GALNT18: variants seen among roughly 807,000 people sequenced by gnomAD.
GALNT18 encodes polypeptide N-acetylgalactosaminyltransferase 18.
A neutral mutation model predicts 69.5 loss-of-function variants in GALNT18; 44 were observed. That is an observed-to-expected ratio of 0.63 (90% CI 0.50 to 0.81). The LOEUF (loss-of-function observed/expected upper bound fraction) is 0.81. Among genes scored for constraint, GALNT18 ranks in the 40% least tolerant of loss-of-function variants. The pLI is 0.00. For synonymous variants in GALNT18, 364 were observed against 318.2 expected (o/e 1.14, Z -1.53); for missense variants, 715 against 810.0 (o/e 0.88, Z 1.42).
At chr11:11,408,348 G>C (rs1170787470) in intron 3 of GALNT18, among the ~76,000 whole-genome samples, 1 of 118,978 alleles carries the variant, frequency 8.4e-6, no homozygotes, top group South Asian at 2.9e-4. Flanking sequence ...CTGAGTGACA[G>C]AGCAAGACTT....
rs567994800 is a variant in GALNT18 at position 11,593,734 on chromosome 11, G to T, written c.235+27625C>A. ...GCTTGAGGCCAGGAGTTTGAGACCA[G>T]CCTGGGTAACACAGCAAGACCCCAT... is the stretch of plus-strand genomic sequence containing the variant. On this transcript the variant is annotated intron_variant, in intron 1 of 10. Transcript: ENST00000227756. Among the ~76,000 whole-genome samples the T allele has an allele frequency of 7.4e-4, 113 of 152,280 alleles. No homozygotes were observed. The Middle Eastern group carries it at 0.01, about 14-fold the overall frequency.
At chr11:11,407,654 G>T (rs1215628849) in intron 3 of GALNT18, among the ~76,000 whole-genome samples, 4 of 152,224 alleles carry the variant, frequency 2.6e-5, no homozygotes, top group Non-Finnish European at 4.4e-5. Context: ...TGTTATCCCA[G>T]ACAGTCAGGA....
intron 1 of GALNT18, among the ~76,000 whole-genome samples, chr11:11,522,475 A>T (rs1857421908): frequency 6.6e-6 from 1 of 152,134 alleles, no homozygotes; most frequent in African/African-American, 2.4e-5. Context: ...CCTGCCACAT[A>T]GCACAGACAA....
At chr11:11,581,626 G>A (rs1299247328) in intron 1 of GALNT18, among the ~76,000 whole-genome samples, 2 of 151,836 alleles carry the variant, frequency 1.3e-5, no homozygotes, top group Admixed American at 6.6e-5. Flanking sequence ...GGTGCAGCTT[G>A]TTATTAATTC....
At chr11:11,392,576 G>A (rs537888410) in intron 3 of GALNT18, among the ~76,000 whole-genome samples, 44 of 152,256 alleles carry the variant, frequency 2.9e-4, no homozygotes, top group African/African-American at 9.6e-4. Context: ...CAGAGATCGC[G>A]CCATCACACT....
chr11:11,451,560 G>A (rs1855800784), intron 1 of GALNT18, among the ~76,000 whole-genome samples: 1 of 152,284 alleles, frequency 6.6e-6, no homozygotes, highest in Non-Finnish European at 1.5e-5. Context: ...CAGCAGGAAA[G>A]GTGTAATATT....
At chr11:11,550,443 G>A (rs965971687) in intron 1 of GALNT18, among the ~76,000 whole-genome samples, 5 of 152,220 alleles carry the variant, frequency 3.3e-5, no homozygotes, top group African/African-American at 1.2e-4. Flanking sequence ...GCCATGTGAG[G>A]CCCAGAACTG....
intron 1 of GALNT18, among the ~76,000 whole-genome samples, chr11:11,489,585 G>C (rs905116477): frequency 1.1e-4 from 17 of 152,210 alleles, no homozygotes; most frequent in Admixed American, 9.8e-4. Flanking sequence ...GAGCTTGGGA[G>C]TTGGGCCTGG....
At position 11,432,617 on chromosome 11, in the gene GALNT18, T is replaced by C; in HGVS notation, c.595+4A>G. On this transcript the variant is annotated splice_donor_region_variant and intron_variant, in intron 3 of 10. Transcript: ENST00000227756. This position sits in a 1 kb window ranked among gnomAD's most constrained non-coding sequence, Gnocchi z 5.8. ...CCTGGGCCCTGGGAAGCTCCGACAC[T>C]CACCGTTACTGCTGTTGTCATCCAC... 1 of 1,603,384 alleles carries C rather than the reference T, an allele frequency of 6.2e-7. No individual in the cohort carries two copies. The highest frequency in any genetic ancestry group is 8.5e-7 in the Non-Finnish European group (1 of 1,174,604).
At position 11,564,293 on chromosome 11, in the gene GALNT18, C is replaced by A. The variant is rs569123758; in HGVS notation, c.235+57066G>T. 4.0e-4 allele frequency among the ~76,000 whole-genome samples: 61 copies of A among 152,302 alleles called. No homozygotes were observed. Among genetic ancestry groups the A allele is most frequent in the Admixed American group, 2.0e-3 (31 of 15,302 alleles). On this transcript the variant is annotated intron_variant, in intron 1 of 10. Coordinates refer to ENST00000227756, the MANE Select transcript of GALNT18 (RefSeq NM_198516.3). This position sits in a 1 kb window ranked among gnomAD's most constrained non-coding sequence, Gnocchi z 4.3. ...ATGCACCTGACTCTCTGTCAAGCCT[C>A]CCCTTCAGGTCCTAGAATGACAGGC...
chr11:11,544,485 A>C (rs544598942), intron 1 of GALNT18, among the ~76,000 whole-genome samples: 2 of 152,394 alleles, frequency 1.3e-5, no homozygotes, highest in African/African-American at 4.8e-5. Flanking sequence ...TATACTGTGC[A>C]CTGGGGTACA....
intron 3 of GALNT18, among the ~76,000 whole-genome samples, chr11:11,394,044 C>T (rs1177688397): frequency 1.3e-5 from 2 of 152,150 alleles, no homozygotes. Flanking sequence ...TTAAGAAACT[C>T]GCAGTTTAGT....
chr11:11,297,071 C>G (rs1009067684), intron 9 of GALNT18, among the ~76,000 whole-genome samples: 2 of 152,076 alleles, frequency 1.3e-5, no homozygotes, highest in African/African-American at 4.8e-5. Flanking sequence ...AAACCAGGGG[C>G]TATCTGGAAT....
rs1367550330 is a variant in GALNT18 at position 11,404,385 on chromosome 11, G to A, written c.596-25121C>T. 6.6e-6 allele frequency among the ~76,000 whole-genome samples: 1 copy of A among 152,212 alleles called. No individual in the cohort carries two copies. Among genetic ancestry groups the A allele is most frequent in the African/African-American group, 2.4e-5 (1 of 41,448 alleles). On this transcript the variant is annotated intron_variant, in intron 3 of 10. Transcript: ENST00000227756. The surrounding 1 kb of genome is among the most constrained non-coding windows in gnomAD (Gnocchi z 4.5). ...GCTTTTATTCTCTCACCCTCCCTAG[G>A]GAAAGCAAATGCCCATGAAATTTAG... is the stretch of plus-strand genomic sequence containing the variant.
chr11:11,293,358 A>G (rs1249570537), intron 9 of GALNT18, among the ~76,000 whole-genome samples, 165 bp from the exon 10 acceptor site: 2 of 152,174 alleles, frequency 1.3e-5, no homozygotes, highest in Non-Finnish European at 2.9e-5. Context: ...TGCAATGGAC[A>G]AGAAGAAACC....
chr11:11,535,314 G>A (rs1857750474), intron 1 of GALNT18, among the ~76,000 whole-genome samples: 1 of 152,222 alleles, frequency 6.6e-6, no homozygotes, highest in Admixed American at 6.5e-5. Context: ...GAGCAGCTCT[G>A]CAACACAAGG....
At chr11:11,479,600 T>C (rs1055978529) in intron 1 of GALNT18, among the ~76,000 whole-genome samples, 1 of 152,160 alleles carries the variant, frequency 6.6e-6, no homozygotes, top group African/African-American at 2.4e-5. Flanking sequence ...TTTTTAACTA[T>C]GTAAAGGATT....
intron 1 of GALNT18, among the ~76,000 whole-genome samples, chr11:11,486,116 T>C (rs373723856): frequency 6.6e-6 from 1 of 152,244 alleles, no homozygotes; most frequent in East Asian, 1.9e-4. Context: ...CTGGAAGCTG[T>C]GAGATTATCT....
In GALNT18 at chr11:11,432,580, C is replaced by T; in HGVS notation, c.595+41G>A. 1.3e-6 allele frequency: 2 copies of T among 1,565,116 alleles called. No homozygotes were observed. Among genetic ancestry groups the T allele is most frequent in the Non-Finnish European group, 1.7e-6 (2 of 1,150,344 alleles). On this transcript the variant is annotated intron_variant, in intron 3 of 10. Coordinates refer to ENST00000227756, the MANE Select transcript of GALNT18 (RefSeq NM_198516.3). This position sits in a 1 kb window ranked among gnomAD's most constrained non-coding sequence, Gnocchi z 5.8. The stretch of plus-strand genomic sequence containing the variant: ...CTGAACCATCAGCTTAGATGTCAGC[C>T]AGGAAGTAGGGCCTGGGCCCTGGGA...
Sources: allele counts gnomAD v4.1 joint callset (sites outside exome capture counted in the v4.1 genomes callset), GRCh38; gene constraint gnomAD v4.1.1; non-coding constraint Gnocchi (gnomAD v3.1); transcripts MANE v1.5; gene names NCBI Gene and HGNC (gene_info 2026-07-23, HGNC 2026-07-21).